Variants in HERC1 observed in about 807,000 individuals in gnomAD.
The protein encoded by HERC1 is probable E3 ubiquitin-protein ligase HERC1.
HERC1 carries 160 observed loss-of-function variants against 554.3 expected under a neutral mutation model. The ratio of observed to expected loss-of-function variants is 0.29; its 90% CI spans 0.25 to 0.33. The LOEUF is 0.33. Ranked by LOEUF, HERC1 falls within the 10% of genes least tolerant of loss-of-function variation. The probability of loss-of-function intolerance (pLI) is 1.00; values close to 1 mark genes in which losing one functional copy is unlikely to be tolerated. For synonymous variants in HERC1, 2,175 were observed against 2,131.7 expected (o/e 1.02, Z -0.56); for missense variants, 4,919 against 5,918.5 (o/e 0.83, Z 5.54).
chr15:63,826,428 G>A (rs914367243), intron 1 of HERC1, among the ~76,000 whole-genome samples: 7 of 151,954 alleles, frequency 4.6e-5, no homozygotes, highest in Admixed American at 3.3e-4. Flanking sequence ...TGTATATACC[G>A]TTCAAAATAA....
intron 22 of HERC1, 64 bp from the exon 23 acceptor site, chr15:63,713,729 A>T: frequency 7.1e-7 from 1 of 1,415,682 alleles, no homozygotes; most frequent in Non-Finnish European, 9.5e-7. Context: ...AGAAAATAAC[A>T]ATAAAAATAG....
chr15:63,805,100 A>G (rs1567145261), intron 1 of HERC1, among the ~76,000 whole-genome samples: 1 of 152,230 alleles, frequency 6.6e-6, no homozygotes, highest in South Asian at 2.1e-4. Flanking sequence ...AAATGAGAAT[A>G]CATGATTACA....
chr15:63,833,469 A>C (rs2078226883), intron 1 of HERC1, among the ~76,000 whole-genome samples: 1 of 152,106 alleles, frequency 6.6e-6, no homozygotes, highest in Non-Finnish European at 1.5e-5. Context: ...GGAATGAAGC[A>C]GAAAGAGACG....
At chr15:63,651,411 A>G (rs1595894949) in intron 52 of HERC1, 31 bp from the exon 53 acceptor site, 1 of 1,590,720 alleles carries the variant, frequency 6.3e-7, no homozygotes, top group Non-Finnish European at 8.6e-7. Flanking sequence ...ATGCAGTTCT[A>G]ATCCCCATCA....
Position 63,753,027 on chromosome 15 carries a change from T to C in HERC1, c.1833A>G (p.Leu611=). 2 of 1,613,526 alleles carry C rather than the reference T, an allele frequency of 1.2e-6. No homozygotes were observed. Among genetic ancestry groups the C allele is most frequent in the South Asian group, 2.2e-5 (2 of 91,036 alleles). ...RVYKPKVIEA[L]QGMFIRKVCA... ...AAACTTTGCGAATGAACATTCCTTG[T>C]AAAGCTTCAATAACTTTAGGTTTAT... Residue 611 remains leucine (L), a synonymous_variant, in exon 8 of 78, where the codon TTA becomes TTG. Coordinates refer to ENST00000443617, the MANE Select transcript of HERC1 (RefSeq NM_003922.4).
intron 63 of HERC1, 135 bp from the exon 64 acceptor site, chr15:63,637,778 A>AACCT: frequency 5.6e-6 from 4 of 718,064 alleles, no homozygotes; most frequent in Non-Finnish European, 8.7e-6. Context: ...GGAAGAGTTG[A>AACCT]TATAACTATG....
chr15:63,715,651 G>A (rs1312145411), intron 22 of HERC1, among the ~76,000 whole-genome samples: 1 of 152,114 alleles, frequency 6.6e-6, no homozygotes, highest in Non-Finnish European at 1.5e-5. Flanking sequence ...TTAGGGTACC[G>A]ACTGAATGCA....
chr15:63,809,581 C>A (rs920827543), intron 1 of HERC1, among the ~76,000 whole-genome samples: 2 of 152,084 alleles, frequency 1.3e-5, no homozygotes, highest in Non-Finnish European at 2.9e-5. Context: ...TCCTGGGCCA[C>A]TGCAAAAGTT....
intron 1 of HERC1, among the ~76,000 whole-genome samples, chr15:63,801,029 T>TA (rs1199340581): frequency 2.0e-5 from 3 of 152,184 alleles, no homozygotes; most frequent in Admixed American, 1.3e-4. Flanking sequence ...TAAAAACCCC[T>TA]AGACAGGGTT....
intron 1 of HERC1, among the ~76,000 whole-genome samples, chr15:63,793,352 C>T (rs1264611368): frequency 6.6e-6 from 1 of 152,246 alleles, no homozygotes; most frequent in African/African-American, 2.4e-5. Context: ...AAAGTGGCCT[C>T]TGGTAGTCCA....
intron 12 of HERC1, among the ~76,000 whole-genome samples, chr15:63,738,498 C>A (rs1319349270): frequency 6.6e-6 from 1 of 151,982 alleles, no homozygotes; most frequent in African/African-American, 2.4e-5. Context: ...GGGTGAGAGA[C>A]ATATGAAAAC....
chr15:63,642,810 C>T (rs933866572), intron 59 of HERC1, 147 bp downstream of exon 59: 2 of 601,536 alleles, frequency 3.3e-6, no homozygotes, highest in Admixed American at 2.8e-5. Context: ...AATTCTCCTT[C>T]TGCTACTAAA....
Position 63,696,191 on chromosome 15 carries a change from C to A in HERC1, c.5054G>T (p.Cys1685Phe). ...TSVRLQFLAG[C>F]FGLGTVGHTG... is the part of the protein sequence containing the mutation. ...GTGTCCAACAGTGCCTAAACCAAAACACCCTGCTAGGAACTGCAGCCTCAC... is the reference window on the plus strand; with the variant it reads ...GTGTCCAACAGTGCCTAAACCAAAAAACCCTGCTAGGAACTGCAGCCTCAC... The change falls in exon 27 of 78, where the codon TGT (cysteine) becomes TTT (phenylalanine). Residue 1685 changes from cysteine to phenylalanine, a missense_variant. Around this residue, in one of 11 missense-constraint regions of HERC1, gnomAD observed 1,121 missense variants for 1,244.0 expected, o/e 0.90. Transcript: ENST00000443617. The A allele has an allele frequency of 6.2e-7, 1 of 1,613,664 alleles. No individual in the cohort carries two copies.
chr15:63,781,179 GAAGCGGA>G (rs1476648236), intron 1 of HERC1, among the ~76,000 whole-genome samples: 2 of 152,106 alleles, frequency 1.3e-5, no homozygotes, highest in African/African-American at 4.8e-5. Context: ...ATAAAACAAT[GAAGCGGA>G]AACCACAGAG....
chr15:63,696,661 C>T (rs2072431565), intron 26 of HERC1, among the ~76,000 whole-genome samples: 2 of 151,990 alleles, frequency 1.3e-5, no homozygotes, highest in South Asian at 2.1e-4. Flanking sequence ...TTTGTTTCCT[C>T]GTATATAAAA....
At chr15:63,664,427 A>G (rs1278517535) in intron 43 of HERC1, 43 bp downstream of exon 43, 4 of 1,575,600 alleles carry the variant, frequency 2.5e-6, no homozygotes, top group East Asian at 2.3e-5. Context: ...TGCTTTCAAA[A>G]TAAGATCTTT....
chr15:63,767,419 A>G (rs534119126), intron 2 of HERC1, among the ~76,000 whole-genome samples: 2 of 152,154 alleles, frequency 1.3e-5, no homozygotes, highest in Non-Finnish European at 2.9e-5. Flanking sequence ...ACAATAAATA[A>G]TACTTTTAAA....
intron 76 of HERC1, among the ~76,000 whole-genome samples, chr15:63,615,420 C>T (rs1308867409): frequency 6.6e-6 from 1 of 152,112 alleles, no homozygotes; most frequent in East Asian, 1.9e-4. Flanking sequence ...ACCAGCCTGG[C>T]TAACATGGCA....
chr15:63,716,596 TTAC>T (rs1230751788), intron 21 of HERC1, 123 bp from the exon 22 acceptor site: 10 of 780,650 alleles, frequency 1.3e-5, no homozygotes, highest in African/African-American at 1.8e-5. Flanking sequence ...CACATGAACT[TTAC>T]TACAAAAACC....
Sources: allele counts gnomAD v4.1 joint callset (sites outside exome capture counted in the v4.1 genomes callset), GRCh38; gene constraint gnomAD v4.1.1; regional missense constraint gnomAD v4.1.1; transcripts MANE v1.5; gene names NCBI Gene and HGNC (gene_info 2026-07-23, HGNC 2026-07-21).